XYLT1: variants seen among roughly 807,000 people sequenced by gnomAD.
XYLT1 encodes the protein beta-D-xylosyltransferase 1.
Under a neutral mutation model 91.3 loss-of-function variants are expected in XYLT1, and 36 were observed. The ratio of observed to expected loss-of-function variants is 0.39; its 90% CI spans 0.30 to 0.52. The LOEUF (loss-of-function observed/expected upper bound fraction) is 0.52, where lower values mean the gene tolerates loss of function less well. XYLT1 is among the 20% of genes least tolerant of loss of function. The probability of loss-of-function intolerance (pLI) is 0.68; values close to 1 mark genes in which losing one functional copy is unlikely to be tolerated. For synonymous variants in XYLT1, 588 were observed against 532.0 expected, an observed-to-expected ratio of 1.11 and a Z score of -1.45; for missense variants, 1,242 against 1,284.5, an observed-to-expected ratio of 0.97 and a Z score of 0.51.
intron 3 of XYLT1, among the ~76,000 whole-genome samples, chr16:17,216,757 T>C (rs1168928867): frequency 1.3e-5 from 2 of 152,120 alleles, no homozygotes; most frequent in Admixed American, 1.3e-4. Context: ...CATGATCAAA[T>C]GCTAGCAAGT....
At chr16:17,460,577 C>T (rs2036805928) in intron 1 of XYLT1, among the ~76,000 whole-genome samples, 2 of 152,126 alleles carry the variant, frequency 1.3e-5, no homozygotes, top group Non-Finnish European at 2.9e-5. Flanking sequence ...AAATGGGCTG[C>T]AAACTCAACA....
In XYLT1 at chr16:17,197,365, G is replaced by A. The variant is rs1172982886; in HGVS notation, c.1289+847C>T. ...GGCCACCGTTGGTAAAATTACAACTGTCCCCTACTTTTGCCCCTTACTTTA... is the reference window on the plus strand; with the variant it reads ...GGCCACCGTTGGTAAAATTACAACTATCCCCTACTTTTGCCCCTTACTTTA... On this transcript the variant is annotated intron_variant, in intron 5 of 11. Transcript: ENST00000261381. Among the ~76,000 whole-genome samples, 4 of 152,080 alleles carry A rather than the reference G, an allele frequency of 2.6e-5. 1 individual carries two copies. The highest frequency in any genetic ancestry group is 5.9e-5 in the Non-Finnish European group (4 of 68,036).
intron 5 of XYLT1, among the ~76,000 whole-genome samples, chr16:17,168,905 C>T (rs931126564): frequency 6.6e-6 from 1 of 152,162 alleles, no homozygotes; most frequent in Non-Finnish European, 1.5e-5. Context: ...ATGTCCTTAC[C>T]CCTTGGCAAG....
In XYLT1 at chr16:17,428,921, G is replaced by A. The variant is rs568733738; in HGVS notation, c.363+41513C>T. 2.6e-5 allele frequency among the ~76,000 whole-genome samples: 4 copies of A among 152,280 alleles called. No homozygotes were observed. The East Asian group carries it at 7.7e-4, about 29-fold the overall frequency. On this transcript the variant is annotated intron_variant, in intron 1 of 11. Coordinates refer to ENST00000261381, the MANE Select transcript of XYLT1 (RefSeq NM_022166.4). ...TCAATCAGCTACCTGCAGGGTCAAT[G>A]GATGAAATGCCTCCCCATAGGGATC... is the stretch of plus-strand genomic sequence containing the variant.
chr16:17,466,803 G>A (rs1456963552), intron 1 of XYLT1, among the ~76,000 whole-genome samples: 1 of 151,990 alleles, frequency 6.6e-6, no homozygotes, highest in African/African-American at 2.4e-5. Context: ...AACATTTGCA[G>A]TAAGATAAAT....
chr16:17,464,383 T>C (rs1178984719), intron 1 of XYLT1, among the ~76,000 whole-genome samples: 2 of 150,598 alleles, frequency 1.3e-5, no homozygotes, highest in Admixed American at 1.3e-4. Flanking sequence ...TCCCAGCTAA[T>C]CAGGAGGCTG....
chr16:17,160,771 GACACTGTT>G (rs1422520123), intron 5 of XYLT1, among the ~76,000 whole-genome samples: 1 of 152,130 alleles, frequency 6.6e-6, no homozygotes, highest in Non-Finnish European at 1.5e-5. Flanking sequence ...TGGTGCCTCC[GACACTGTT>G]ACCTGTAGTT....
rs576833201 is a variant in XYLT1 at position 17,272,101 on chromosome 16, G to A, written c.403-12603C>T. 1.5e-3 allele frequency among the ~76,000 whole-genome samples: 226 copies of A among 151,332 alleles called. 1 individual carries two copies. The highest frequency in any genetic ancestry group is 3.6e-3 in the African/African-American group (149 of 41,264). On this transcript the variant is annotated intron_variant, in intron 2 of 11. Transcript: ENST00000261381. ...GAGGAGGGACACATTCATTTGGGCAGTGGATAGTCTTTGAGTTGATGGCAT... is the reference window on the plus strand; with the variant it reads ...GAGGAGGGACACATTCATTTGGGCAATGGATAGTCTTTGAGTTGATGGCAT...
At chr16:17,423,805 G>A (rs575566286) in intron 1 of XYLT1, among the ~76,000 whole-genome samples, 13 of 151,872 alleles carry the variant, frequency 8.6e-5, no homozygotes, top group Non-Finnish European at 1.5e-4. Flanking sequence ...TAGTAGAGAC[G>A]GGGTTTTACC....
intron 3 of XYLT1, among the ~76,000 whole-genome samples, chr16:17,214,469 T>C (rs986744758): frequency 7.9e-5 from 12 of 152,218 alleles, no homozygotes; most frequent in Admixed American, 6.5e-5. Context: ...TGGGGCATTA[T>C]GTCTTTCCCC....
At chr16:17,269,818 T>TATTATTATC (rs1361680760) in intron 2 of XYLT1, among the ~76,000 whole-genome samples, 3 of 149,702 alleles carry the variant, frequency 2.0e-5, no homozygotes, top group Non-Finnish European at 3.0e-5. Flanking sequence ...TTATTATTAT[T>TATTATTATC]ATCATTATTT....
intron 2 of XYLT1, among the ~76,000 whole-genome samples, chr16:17,316,863 C>T (rs1159629798): frequency 1.3e-5 from 2 of 151,126 alleles, no homozygotes; most frequent in Non-Finnish European, 2.9e-5. Context: ...GCTCTGTCGC[C>T]CAGGCTGGAG....
intron 2 of XYLT1, among the ~76,000 whole-genome samples, chr16:17,327,666 G>GCCA (rs1173127472): frequency 5.6e-5 from 8 of 142,546 alleles, no homozygotes; most frequent in Non-Finnish European, 1.2e-4. Flanking sequence ...ACAGGTGTGA[G>GCCA]CCACCACGCC....
At chr16:17,201,831 C>G (rs1238935680) in intron 3 of XYLT1, among the ~76,000 whole-genome samples, 3 of 152,022 alleles carry the variant, frequency 2.0e-5, no homozygotes, top group Non-Finnish European at 4.4e-5. Context: ...CCTTTCTGTT[C>G]CCACACGGAG....
At chr16:17,275,880 T>C (rs562340831) in intron 2 of XYLT1, among the ~76,000 whole-genome samples, 1 of 152,250 alleles carries the variant, frequency 6.6e-6, no homozygotes, top group East Asian at 1.9e-4. Context: ...CCACAGTGGG[T>C]AATGAATGGT....
chr16:17,218,010 CT>C, intron 3 of XYLT1, among the ~76,000 whole-genome samples: 1 of 151,924 alleles, frequency 6.6e-6, no homozygotes, highest in African/African-American at 2.4e-5. Context: ...CGGTTCACGC[CT>C]GTAATCCCAG....
intron 6 of XYLT1, among the ~76,000 whole-genome samples, chr16:17,155,961 T>TTTA (rs2031397045): frequency 6.6e-6 from 1 of 152,220 alleles, no homozygotes; most frequent in African/African-American, 2.4e-5. Flanking sequence ...CCAGCAACAA[T>TTTA]TTAGTTCTAT....
chr16:17,103,180 A>C lies in XYLT1; in HGVS notation c.*5515T>G, dbSNP rs909185378. On this transcript the variant is annotated 3_prime_UTR_variant, in exon 12 of 12. Transcript: ENST00000261381. ...CCAGGCAGGAAGGACGAAGAGATAA[A>C]TGGAGAACGTCTCCTGATTTACCCT... is the stretch of plus-strand genomic sequence containing the variant. 2.0e-5 allele frequency: 3 copies of C among 152,608 alleles called. No homozygotes were observed. Among genetic ancestry groups the C allele is most frequent in the Admixed American group, 6.5e-5 (1 of 15,286 alleles). The allele number at this position is 152,608 out of a possible 1,614,324, so 9.5% of individuals were successfully genotyped here. A position where few individuals can be genotyped will look rare whatever the true frequency, so the allele number is the denominator to read the frequency against.
At chr16:17,469,104 G>C (rs1234893071) in intron 1 of XYLT1, among the ~76,000 whole-genome samples, 7 of 152,188 alleles carry the variant, frequency 4.6e-5, no homozygotes, top group African/African-American at 1.2e-4. Context: ...ATCACATCAC[G>C]TCTTGGGACT....
Sources: allele counts gnomAD v4.1 joint callset (sites outside exome capture counted in the v4.1 genomes callset), GRCh38; gene constraint gnomAD v4.1.1; transcripts MANE v1.5; gene names NCBI Gene and HGNC (gene_info 2026-07-23, HGNC 2026-07-21).